Variants in TECPR1 observed in about 807,000 individuals in gnomAD.
The protein encoded by TECPR1 is tectonin beta-propeller repeat-containing protein 1.
TECPR1 carries 122 observed loss-of-function variants against 162.4 expected under a neutral mutation model. The observed-to-expected ratio is 0.75, with a 90% confidence interval of 0.65 to 0.87. The LOEUF (loss-of-function observed/expected upper bound fraction) is 0.87, where lower values mean the gene tolerates loss of function less well. Ranked by LOEUF, TECPR1 falls within the 40% of genes least tolerant of loss-of-function variation. The pLI, the probability that TECPR1 is intolerant of heterozygous loss-of-function variation, is 0.00. For synonymous variants in TECPR1, 642 were observed against 670.6 expected (o/e 0.96, Z 0.66); for missense variants, 1,432 against 1,618.2 (o/e 0.88, Z 1.97).
chr7:98,243,985 C>G (rs575939705), intron 5 of TECPR1, among the ~76,000 whole-genome samples: 1 of 152,248 alleles, frequency 6.6e-6, no homozygotes, highest in South Asian at 2.1e-4. Flanking sequence ...ATTGCTTGAG[C>G]TCAGGAGTTC....
chr7:98,226,661 C>T (rs1798285905), intron 17 of TECPR1: 1 of 1,130,602 alleles, frequency 8.8e-7, no homozygotes, highest in African/African-American at 1.6e-5. Context: ...GGCGCAGTGG[C>T]TCTCGCCTGA....
Position 98,232,929 on chromosome 7 carries a change from C to G in TECPR1, c.1716G>C (p.Pro572=), listed in dbSNP as rs757953123. 1.2e-5 allele frequency: 19 copies of G among 1,612,694 alleles called. 1 individual carries two copies. In the South Asian group the frequency reaches 1.4e-4, roughly 12 times the overall value. The part of the protein sequence containing the change: ...SVHMLSLSIT[P]AQTAAWRKQI... ...GCTTCCTCCAGGCAGCGGTCTGGGC[C>G]GGCGTGATGGACAGGGACAGCATGT... The change falls in exon 12 of 26, where the codon CCG becomes CCC. Residue 572 remains proline (P), a synonymous_variant. Transcript: ENST00000447648. This position sits in a 1 kb window ranked among gnomAD's most constrained non-coding sequence, Gnocchi z 4.6.
Position 98,231,939 on chromosome 7 carries a change from C to T in TECPR1, c.1839G>A (p.Gly613=), listed in dbSNP as rs775237118. 8 of 1,606,292 alleles carry T rather than the reference C, an allele frequency of 5.0e-6. No homozygotes were observed. In the African/African-American group the frequency reaches 6.7e-5, roughly 13 times the overall value. ...AVEQSVWVKT[G]ALQWWCDWKP... ...TCCAGTCGCACCACCACTGCAGCGC[C>T]CCGGTCTTCACCCACACCGACTGCG... The change falls in exon 13 of 26, where the codon GGG becomes GGA. Residue 613 remains glycine, a synonymous_variant. Transcript: ENST00000447648.
At chr7:98,235,851 A>AAAAAAAAAAAAAAAAAACAACAC (rs1554401451) in intron 10 of TECPR1, among the ~76,000 whole-genome samples, 1 of 147,276 alleles carries the variant, frequency 6.8e-6, no homozygotes, top group East Asian at 1.9e-4. Context: ...AAAAAAAAAA[A>AAAAAAAAAAAAAAAAAACAACAC]CACCATCTGA....
Position 98,223,661 on chromosome 7 carries a change from C to G in TECPR1, c.2747+1G>C. On this transcript the variant is annotated splice_donor_variant, in intron 20 of 25. Transcript: ENST00000447648. LOFTEE classifies it high-confidence loss of function. The stretch of plus-strand genomic sequence containing the variant: ...ACAGTCACCCTGCAGCCCTGCCTCA[C>G]CTGGCCCAGCACCTCCTCCTCACAA... 1 of 1,613,744 alleles carries G rather than the reference C, an allele frequency of 6.2e-7. No homozygotes were observed.
chr7:98,218,433 GTC>G (rs1798071142), intron 23 of TECPR1, among the ~76,000 whole-genome samples: 1 of 152,210 alleles, frequency 6.6e-6, no homozygotes, highest in African/African-American at 2.4e-5. Flanking sequence ...GTCACGGTGT[GTC>G]TGTTTGCCCA....
intron 23 of TECPR1, among the ~76,000 whole-genome samples, chr7:98,219,876 G>A (rs779770723): frequency 6.6e-6 from 1 of 151,736 alleles, no homozygotes; most frequent in Admixed American, 6.6e-5. Context: ...ACTCCAGCCT[G>A]GGCAACAAGA....
intron 21 of TECPR1, 23 bp downstream of exon 21, chr7:98,222,967 A>T (rs368677869): frequency 6.2e-7 from 1 of 1,609,296 alleles, no homozygotes; most frequent in Non-Finnish European, 8.5e-7. Context: ...TTCAAGAAGA[A>T]TCTGTCTGGC....
intron 6 of TECPR1, 72 bp downstream of exon 6, chr7:98,243,395 G>T (rs1244336031): frequency 1.3e-6 from 2 of 1,584,382 alleles, no homozygotes; most frequent in Admixed American, 1.7e-5. Flanking sequence ...CAAGACCCAG[G>T]GGGTGCACAG....
At chr7:98,228,880 C>T in intron 16 of TECPR1, 159 bp downstream of exon 16, 2 of 1,104,358 alleles carry the variant, frequency 1.8e-6, no homozygotes, top group Non-Finnish European at 2.5e-6. Flanking sequence ...AGGGACCATC[C>T]TGGGTGGAGG....
In TECPR1 at chr7:98,232,021, C is replaced by A; in HGVS notation, c.1819-62G>T. On this transcript the variant is annotated intron_variant, in intron 12 of 25. Coordinates refer to ENST00000447648, the MANE Select transcript of TECPR1 (RefSeq NM_015395.3). The surrounding 1 kb of genome is among the most constrained non-coding windows in gnomAD (Gnocchi z 4.6). ...GGCCCGGGGTGCCAGGGGAGGAGGGCGGGGCTGGGGGTGCCCAGAGGAGGA... is the reference window on the plus strand; with the variant it reads ...GGCCCGGGGTGCCAGGGGAGGAGGGAGGGGCTGGGGGTGCCCAGAGGAGGA... 6.6e-7 allele frequency: 1 copy of A among 1,525,434 alleles called. No homozygotes were observed. The allele number at this position is 1,525,434 out of a possible 1,614,324, so 94.5% of individuals were successfully genotyped here.
chr7:98,233,368 C>G, intron 11 of TECPR1, 53 bp downstream of exon 11: 1 of 1,411,624 alleles, frequency 7.1e-7, no homozygotes, highest in South Asian at 1.7e-5. Context: ...ACACCCCACA[C>G]CCCCAGGGCA....
At chr7:98,250,142 G>A (rs960727885) in intron 2 of TECPR1, among the ~76,000 whole-genome samples, 1 of 152,176 alleles carries the variant, frequency 6.6e-6, no homozygotes, top group Non-Finnish European at 1.5e-5. Flanking sequence ...GTCATAATTG[G>A]TGGACAGATA....
rs1797966851 is a variant in TECPR1 at position 98,214,936 on chromosome 7, G to T, written c.*2454C>A. On this transcript the variant is annotated 3_prime_UTR_variant, in exon 26 of 26. Coordinates refer to ENST00000447648, the MANE Select transcript of TECPR1 (RefSeq NM_015395.3). ...GACGCCCCGCGGCCACATCACACAG[G>T]ATCCTCAGCAGCCATAGTCTCGCTT... 6.6e-6 allele frequency: 1 copy of T among 152,398 alleles called. No individual in the cohort carries two copies. Among genetic ancestry groups the T allele is most frequent in the African/African-American group, 2.4e-5 (1 of 41,458 alleles). The allele number at this position is 152,398 out of a possible 1,614,324, so 9.4% of individuals were successfully genotyped here.
chr7:98,234,450 G>T (rs143172599), intron 10 of TECPR1, among the ~76,000 whole-genome samples: 5 of 152,126 alleles, frequency 3.3e-5, no homozygotes, highest in Admixed American at 6.6e-5. Context: ...CACCGCGCCC[G>T]ATCATAAACC....
intron 10 of TECPR1, 133 bp downstream of exon 10, chr7:98,236,643 G>A: frequency 8.3e-7 from 1 of 1,199,462 alleles, no homozygotes; most frequent in East Asian, 2.6e-5. Flanking sequence ...TGTGAGTGGA[G>A]ACCCATTTTC....
chr7:98,222,276 CT>C lies in TECPR1; in HGVS notation c.3064+109del, dbSNP rs1379526687. 3.5e-6 allele frequency: 5 copies of C among 1,430,492 alleles called. No homozygotes were observed. The African/African-American group carries it at 7.1e-5, about 20-fold the overall frequency. 88.6% of individuals were successfully genotyped at this position (1,430,492 alleles called of 1,614,324 possible). A position where few individuals can be genotyped will look rare whatever the true frequency, so the allele number is the denominator to read the frequency against. ...CCCAGTGGGAGGGGGACTCCCACTT[CT>C]GGGGGAAGTCCCAGCTTCTGGGGGA... On this transcript the variant is annotated intron_variant, in intron 22 of 25. Transcript: ENST00000447648.
chr7:98,250,918 G>A (rs999885893), intron 2 of TECPR1: 2 of 152,172 alleles, frequency 1.3e-5, no homozygotes, highest in East Asian at 1.9e-4. Context: ...GGCACCTGTC[G>A]TCACTTCCTA....
intron 18 of TECPR1, 36 bp from the exon 19 acceptor site, chr7:98,224,916 G>A (rs1279099092): frequency 1.8e-5 from 28 of 1,550,088 alleles, no homozygotes; most frequent in East Asian, 2.4e-5. Flanking sequence ...GGGACCCCCC[G>A]AATCCAGAAG....
Sources: allele counts gnomAD v4.1 joint callset (sites outside exome capture counted in the v4.1 genomes callset), GRCh38; gene constraint gnomAD v4.1.1; non-coding constraint Gnocchi (gnomAD v3.1); transcripts MANE v1.5; gene names NCBI Gene and HGNC (gene_info 2026-07-23, HGNC 2026-07-21).